AFG2A: variants seen among roughly 807,000 people sequenced by gnomAD.
AFG2A encodes ATPase family gene 2 protein homolog A.
chr4:123,252,260 T>C, the AFG2A span, among the ~76,000 whole-genome samples: 2 of 152,112 alleles, frequency 1.3e-5, no homozygotes, highest in Non-Finnish European at 2.9e-5. Flanking sequence ...GTATGAGATA[T>C]GATGATATGA....
At chr4:122,923,213 C>G in the AFG2A span, 8 of 1,614,120 alleles carry the variant, frequency 5.0e-6, no homozygotes, top group African/African-American at 1.1e-4. Flanking sequence ...CCCTCTGCTG[C>G]TTCCTCTTGT....
At chr4:123,134,801 A>G in the AFG2A span, among the ~76,000 whole-genome samples, 1 of 152,096 alleles carries the variant, frequency 6.6e-6, no homozygotes, top group South Asian at 2.1e-4. Flanking sequence ...CCAGAACCAC[A>G]TGACTTTATG....
the AFG2A span, chr4:122,979,101 C>T: frequency 1.0e-5 from 11 of 1,079,864 alleles, no homozygotes; most frequent in Admixed American, 2.7e-4. Flanking sequence ...AGTATGCAGC[C>T]CTGGCCACGC....
At chr4:123,258,315 T>C in the AFG2A span, among the ~76,000 whole-genome samples, 1 of 152,208 alleles carries the variant, frequency 6.6e-6, no homozygotes, top group Non-Finnish European at 1.5e-5. Context: ...AAATTATTAT[T>C]TCTTTAAAAG....
the AFG2A span, among the ~76,000 whole-genome samples, chr4:123,296,140 A>G: frequency 6.6e-6 from 1 of 151,816 alleles, no homozygotes; most frequent in African/African-American, 2.4e-5. Flanking sequence ...GCCATACATT[A>G]TGTGCATCTC....
chr4:123,310,384 C>A, the AFG2A span, among the ~76,000 whole-genome samples: 1 of 152,320 alleles, frequency 6.6e-6, no homozygotes, highest in South Asian at 2.1e-4. Context: ...TCTACTGAGG[C>A]TAGTTCAATG....
the AFG2A span, among the ~76,000 whole-genome samples, chr4:123,075,452 C>A: frequency 6.6e-6 from 1 of 151,872 alleles, no homozygotes; most frequent in East Asian, 2.0e-4. Flanking sequence ...GCGCCTGCCA[C>A]CATATCTGGC....
the AFG2A span, among the ~76,000 whole-genome samples, chr4:123,307,311 T>A: frequency 6.6e-6 from 1 of 152,182 alleles, no homozygotes; most frequent in Non-Finnish European, 1.5e-5. Flanking sequence ...CAGCTCCATC[T>A]GCATTTTGAA....
At chr4:123,075,846 A>G in the AFG2A span, among the ~76,000 whole-genome samples, 1 of 151,870 alleles carries the variant, frequency 6.6e-6, no homozygotes, top group Non-Finnish European at 1.5e-5. Flanking sequence ...AATCCAAGCT[A>G]CTGGGGAGGT....
At chr4:123,047,188 T>C in the AFG2A span, among the ~76,000 whole-genome samples, 1 of 152,222 alleles carries the variant, frequency 6.6e-6, no homozygotes, top group Admixed American at 6.5e-5. Flanking sequence ...TTTCCGTAAA[T>C]GGCTATACTA....
the AFG2A span, among the ~76,000 whole-genome samples, chr4:123,209,586 ATTTTTTTTTTTT>A: frequency 2.3e-3 from 267 of 116,264 alleles, 3 homozygotes; most frequent in African/African-American, 8.0e-3. Flanking sequence ...TGCATCAAGA[ATTTTTTTTTTTT>A]TTTTTTTTTT....
chr4:123,275,842 G>A, the AFG2A span, among the ~76,000 whole-genome samples: 121,414 of 152,148 alleles, frequency 0.8, 48,925 homozygotes, highest in Non-Finnish European at 0.85. Flanking sequence ...TTATGGCTGC[G>A]TAGTATTCCA....
chr4:123,077,509 G>A, the AFG2A span, among the ~76,000 whole-genome samples: 184 of 152,226 alleles, frequency 1.2e-3, no homozygotes, highest in African/African-American at 4.2e-3. Context: ...GGTCAGAAAC[G>A]AATGACTTCA....
chr4:123,027,444 T>G, the AFG2A span, among the ~76,000 whole-genome samples: 1 of 152,182 alleles, frequency 6.6e-6, no homozygotes, highest in Non-Finnish European at 1.5e-5. Context: ...CATCTATCCT[T>G]CGAGAGTTGG....
the AFG2A span, among the ~76,000 whole-genome samples, chr4:122,957,912 T>A: frequency 1.4e-4 from 21 of 151,158 alleles, no homozygotes; most frequent in Non-Finnish European, 2.8e-4. Flanking sequence ...AGGTGCTCAA[T>A]AAGTATTTGA....
At chr4:122,975,608 A>AG in the AFG2A span, among the ~76,000 whole-genome samples, 1 of 152,146 alleles carries the variant, frequency 6.6e-6, no homozygotes, top group Non-Finnish European at 1.5e-5. Context: ...GGAGTGATAC[A>AG]GAGGGCTACC....
At chr4:123,161,732 G>T in the AFG2A span, among the ~76,000 whole-genome samples, 1 of 152,164 alleles carries the variant, frequency 6.6e-6, no homozygotes, top group Non-Finnish European at 1.5e-5. Context: ...TCCCTGCTCT[G>T]ACTGGATTAG....
the AFG2A span, among the ~76,000 whole-genome samples, chr4:123,138,698 A>G: frequency 4.6e-5 from 7 of 152,090 alleles, no homozygotes; most frequent in Admixed American, 1.3e-4. Context: ...TTGGAAAAAA[A>G]ATAAATATAT....
At chr4:123,169,581 C>A in the AFG2A span, among the ~76,000 whole-genome samples, 1 of 152,282 alleles carries the variant, frequency 6.6e-6, no homozygotes, top group Non-Finnish European at 1.5e-5. Flanking sequence ...GGGCTTCAAG[C>A]AGTTCTCTTG....
Sources: gnomAD v4.1 joint callset for allele counts (sites outside exome capture counted in the v4.1 genomes callset) on GRCh38, gnomAD v4.1.1 for gene constraint, MANE v1.5 for transcripts, NCBI Gene and HGNC (gene_info 2026-07-23, HGNC 2026-07-21) for gene names.